The following ADAMTS17 variants were observed in gnomAD, a reference collection of about 807,000 sequenced individuals.
ADAMTS17 encodes the protein ADAM metallopeptidase with thrombospondin type 1 motif 17.
A neutral mutation model predicts 141.5 loss-of-function variants in ADAMTS17; 113 were observed. The observed-to-expected ratio is 0.80, with a 90% confidence interval of 0.69 to 0.93. ADAMTS17 has a LOEUF of 0.93. Ranked by LOEUF, ADAMTS17 falls within the 40% of genes least tolerant of loss-of-function variation. The probability of loss-of-function intolerance (pLI) is 0.00; values close to 1 mark genes in which losing one functional copy is unlikely to be tolerated. For synonymous variants in ADAMTS17, 768 were observed against 630.6 expected (o/e 1.22, Z -3.27); for missense variants, 1,659 against 1,517.9 (o/e 1.09, Z -1.54).
intron 8 of ADAMTS17, among the ~76,000 whole-genome samples, chr15:100,170,750 G>C (rs1187747585): frequency 6.6e-6 from 1 of 152,146 alleles, no homozygotes; most frequent in East Asian, 1.9e-4. Flanking sequence ...CCCTGCACTA[G>C]ACAAGATTTT....
chr15:100,043,864 T>A (rs968009375), intron 18 of ADAMTS17, among the ~76,000 whole-genome samples: 4 of 152,284 alleles, frequency 2.6e-5, no homozygotes, highest in Non-Finnish European at 4.4e-5. Context: ...AGGACTGTGG[T>A]CCATCAAGCC....
chr15:100,208,037 C>T (rs184300503), intron 7 of ADAMTS17, among the ~76,000 whole-genome samples: 182 of 152,232 alleles, frequency 1.2e-3, no homozygotes, highest in Non-Finnish European at 1.8e-3. Flanking sequence ...CTTCAAGTCC[C>T]CAGGGAATCC....
chr15:100,262,838 G>A (rs996274230), intron 4 of ADAMTS17, among the ~76,000 whole-genome samples: 1 of 149,032 alleles, frequency 6.7e-6, no homozygotes, highest in Admixed American at 6.7e-5. Flanking sequence ...TCAAATGTCA[G>A]TGTCCATACA....
chr15:100,225,010 T>C (rs944653663), intron 7 of ADAMTS17, among the ~76,000 whole-genome samples: 3 of 152,208 alleles, frequency 2.0e-5, no homozygotes, highest in South Asian at 4.1e-4. Context: ...GCTGCCTTGC[T>C]CATCACTGCC....
intron 5 of ADAMTS17, among the ~76,000 whole-genome samples, chr15:100,261,886 A>G (rs1567448401): frequency 6.6e-6 from 1 of 152,192 alleles, no homozygotes; most frequent in Non-Finnish European, 1.5e-5. Flanking sequence ...TTTTCTGCAA[A>G]CAGAACAGTA....
At chr15:100,202,378 G>T (rs72755250) in intron 7 of ADAMTS17, among the ~76,000 whole-genome samples, 1 of 152,158 alleles carries the variant, frequency 6.6e-6, no homozygotes, top group Non-Finnish European at 1.5e-5. Flanking sequence ...GTGGATCAAG[G>T]TCGAGTGCTT....
At chr15:99,987,296 G>A (rs2060609285) in intron 20 of ADAMTS17, among the ~76,000 whole-genome samples, 2 of 152,202 alleles carry the variant, frequency 1.3e-5, no homozygotes. Flanking sequence ...AACACAGTGA[G>A]CGGAACACCT....
intron 18 of ADAMTS17, among the ~76,000 whole-genome samples, chr15:100,030,133 T>C (rs1009327492): frequency 2.0e-5 from 3 of 152,148 alleles, no homozygotes; most frequent in Non-Finnish European, 1.5e-5. Flanking sequence ...GCAGCTGAAA[T>C]GTTTTTCCCT....
intron 7 of ADAMTS17, among the ~76,000 whole-genome samples, chr15:100,200,508 T>C (rs2041287424): frequency 1.3e-5 from 2 of 152,090 alleles, no homozygotes; most frequent in East Asian, 1.9e-4. Context: ...ACAGGGCTTA[T>C]CTCAACAGGG....
At position 100,037,672 on chromosome 15, in the gene ADAMTS17, G is replaced by A. The variant is rs1351562642; in HGVS notation, c.2591+11185C>T. Among the ~76,000 whole-genome samples, 7 of 152,036 alleles carry A rather than the reference G, an allele frequency of 4.6e-5. No homozygotes were observed. In the East Asian group the frequency reaches 1.4e-3, roughly 29 times the overall value. The stretch of plus-strand genomic sequence containing the variant: ...GATCCGTCTGCCTCGGCCTCCCAAA[G>A]TGCTGGGATTACAGGCATAAGCCAC... On this transcript the variant is annotated intron_variant, in intron 18 of 21. Coordinates refer to ENST00000268070, the MANE Select transcript of ADAMTS17 (RefSeq NM_139057.4).
intron 20 of ADAMTS17, chr15:99,980,353 C>T (rs1263643310): frequency 2.0e-5 from 3 of 152,234 alleles, no homozygotes; most frequent in African/African-American, 4.8e-5. Context: ...GAGAGATACA[C>T]CTGCTGCCTG....
chr15:100,331,245 G>A (rs189728573), intron 2 of ADAMTS17, among the ~76,000 whole-genome samples, 191 bp from the exon 3 acceptor site: 30 of 152,294 alleles, frequency 2.0e-4, no homozygotes, highest in African/African-American at 7.2e-4. Flanking sequence ...ACATACCACA[G>A]AGCAGCTGCG....
chr15:100,157,737 C>A (rs1441254171), intron 8 of ADAMTS17, among the ~76,000 whole-genome samples: 1 of 151,958 alleles, frequency 6.6e-6, no homozygotes, highest in Non-Finnish European at 1.5e-5. Flanking sequence ...GGCGTGGTGG[C>A]AGACTGCTTG....
intron 3 of ADAMTS17, among the ~76,000 whole-genome samples, chr15:100,320,255 CAGG>C (rs1418927760): frequency 1.3e-5 from 2 of 152,034 alleles, no homozygotes; most frequent in Non-Finnish European, 2.9e-5. Context: ...CTAGGAATTC[CAGG>C]AGAAGACGTA....
At chr15:100,013,908 G>A (rs771452052) in intron 18 of ADAMTS17, among the ~76,000 whole-genome samples, 2 of 152,134 alleles carry the variant, frequency 1.3e-5, no homozygotes, top group Non-Finnish European at 2.9e-5. Flanking sequence ...TAGAATGAAT[G>A]AGGGAGGGTT....
intron 7 of ADAMTS17, among the ~76,000 whole-genome samples, chr15:100,229,433 C>T (rs2042408765): frequency 6.6e-6 from 1 of 152,150 alleles, no homozygotes; most frequent in Non-Finnish European, 1.5e-5. Flanking sequence ...ATGTCTTGGT[C>T]CATGGGACAA....
At chr15:100,227,466 C>T (rs1184149511) in intron 7 of ADAMTS17, among the ~76,000 whole-genome samples, 3 of 152,174 alleles carry the variant, frequency 2.0e-5, no homozygotes, top group Non-Finnish European at 2.9e-5. Context: ...TACACTTGGC[C>T]GCAAGTAATA....
intron 2 of ADAMTS17, among the ~76,000 whole-genome samples, chr15:100,339,439 CTT>C (rs1219767076): frequency 6.6e-6 from 1 of 152,212 alleles, no homozygotes; most frequent in Non-Finnish European, 1.5e-5. Flanking sequence ...ACTTTAAACA[CTT>C]TGGCAAAAAC....
At chr15:100,304,904 T>C (rs1327972561) in intron 3 of ADAMTS17, among the ~76,000 whole-genome samples, 1 of 152,252 alleles carries the variant, frequency 6.6e-6, no homozygotes, top group Non-Finnish European at 1.5e-5. Flanking sequence ...ATCTTTGTAA[T>C]GATCTACTTC....
Sources: allele counts gnomAD v4.1 joint callset (sites outside exome capture counted in the v4.1 genomes callset), GRCh38; gene constraint gnomAD v4.1.1; transcripts MANE v1.5; gene names NCBI Gene and HGNC (gene_info 2026-07-23, HGNC 2026-07-21).